Variants in TMEM53 observed in about 807,000 individuals in gnomAD.
The protein encoded by TMEM53 is novel DUF829 domain-containing protein.
A neutral mutation model predicts 21.4 loss-of-function variants in TMEM53; 14 were observed. That is an observed-to-expected ratio of 0.65 (90% CI 0.43 to 1.02). The LOEUF is 1.02. Among genes scored for constraint, TMEM53 ranks in the 50% least tolerant of loss-of-function variants. The pLI, the probability that TMEM53 is intolerant of heterozygous loss-of-function variation, is 0.00. For synonymous variants in TMEM53, 148 were observed against 157.4 expected (o/e 0.94, Z 0.45); for missense variants, 323 against 383.6 (o/e 0.84, Z 1.32).
intron 1 of TMEM53, 171 bp downstream of exon 1, chr1:44,674,160 A>G: frequency 1.0e-6 from 1 of 985,078 alleles, no homozygotes; most frequent in South Asian, 4.7e-5. Context: ...GGCGGGACTT[A>G]CGAGGGGCGG....
chr1:44,674,376 G>A lies in TMEM53; in HGVS notation c.16C>T (p.Leu6=). The A allele has an allele frequency of 6.2e-7, 1 of 1,612,236 alleles. No individual in the cohort carries two copies. The highest frequency in any genetic ancestry group is 1.1e-5 in the South Asian group (1 of 91,002). Residue 6 remains leucine, a synonymous_variant, in exon 1 of 3, where the codon CTG becomes TTG. Transcript: ENST00000372237. The part of the protein sequence containing the change: MASAE[L]DYTIEIPDQP... Reference sequence around the variant, plus strand: ...TCCGGGATCTCGATGGTGTAGTCCAGCTCTGCCGAGGCCATGGTGAAGGCG... The same window carrying A: ...TCCGGGATCTCGATGGTGTAGTCCAACTCTGCCGAGGCCATGGTGAAGGCG...
chr1:44,672,557 C>T (rs1645011089), intron 1 of TMEM53, among the ~76,000 whole-genome samples: 1 of 152,200 alleles, frequency 6.6e-6, no homozygotes, highest in Admixed American at 6.5e-5. Context: ...ACAATCCCAG[C>T]TGCCTCCAAC....
intron 2 of TMEM53, among the ~76,000 whole-genome samples, chr1:44,659,191 C>T (rs1008188795): frequency 2.6e-5 from 4 of 152,236 alleles, no homozygotes; most frequent in African/African-American, 4.8e-5. Flanking sequence ...GGCCACCACA[C>T]ACCTCAGTCA....
At chr1:44,656,720 GA>G (rs148588646) in intron 2 of TMEM53, among the ~76,000 whole-genome samples, 35,584 of 149,402 alleles carry the variant, frequency 0.24, 5,301 homozygotes, top group Middle Eastern at 0.36. Context: ...CTCTAAAAAA[GA>G]AAAAAAAAAT....
chr1:44,659,735 C>CAGG (rs1553133579), intron 2 of TMEM53, among the ~76,000 whole-genome samples: 1 of 151,908 alleles, frequency 6.6e-6, no homozygotes, highest in Non-Finnish European at 1.5e-5. Context: ...TTGTGGAATG[C>CAGG]AGGGAGGAAG....
chr1:44,664,437 A>T (rs1413604996), intron 1 of TMEM53, among the ~76,000 whole-genome samples: 15 of 147,794 alleles, frequency 1.0e-4, no homozygotes, highest in Non-Finnish European at 1.2e-4. Context: ...GGGCAACAAG[A>T]GCGAAACTCC....
rs771926566 is a variant in TMEM53 at position 44,654,813 on chromosome 1, G to A, written c.580C>T (p.Leu194Phe). The A allele has an allele frequency of 6.2e-7, 1 of 1,613,710 alleles. No individual in the cohort carries two copies. The highest frequency in any genetic ancestry group is 8.5e-7 in the Non-Finnish European group (1 of 1,180,048). Residue 194 changes from leucine to phenylalanine, a missense_variant, in exon 3 of 3, where the codon CTC (leucine) becomes TTC (phenylalanine). Leu to Phe is a conservative substitution (Grantham distance 22). This residue lies in a region of TMEM53 where 269 missense variants were observed against 334.5 expected (regional missense o/e 0.80). Coordinates refer to ENST00000372237, the MANE Select transcript of TMEM53 (RefSeq NM_024587.4). The surrounding 1 kb of genome is among the most constrained non-coding windows in gnomAD (Gnocchi z 7.0). ...FHVLLAPITA[L>F]FHTHFYDRLQ... ...CTGTCATAGAAGTGGGTGTGGAAGA[G>A]GGCTGTGATGGGAGCAAGCAGGACG...
rs1264395593 is a variant in TMEM53, at chr1:44,655,806, A to C, written c.184-597T>G. Among the ~76,000 whole-genome samples, 1 of 152,092 alleles carries C rather than the reference A, an allele frequency of 6.6e-6. No individual in the cohort carries two copies. Among genetic ancestry groups the C allele is most frequent in the Non-Finnish European group, 1.5e-5 (1 of 68,016 alleles). The stretch of plus-strand genomic sequence containing the variant: ...ACCTTCCCTCTCTCCCAGGCTCCTA[A>C]AAACAGAGTCCATACTCTCTGGACT... On this transcript the variant is annotated intron_variant, in intron 2 of 2. Coordinates refer to ENST00000372237, the MANE Select transcript of TMEM53 (RefSeq NM_024587.4). The surrounding 1 kb of genome is among the most constrained non-coding windows in gnomAD (Gnocchi z 4.4).
intron 1 of TMEM53, chr1:44,673,765 A>G: frequency 1.2e-6 from 1 of 868,700 alleles, no homozygotes; most frequent in Non-Finnish European, 1.4e-6. Flanking sequence ...AAGGTAGCTT[A>G]CCAAAGGTAA....
intron 2 of TMEM53, 131 bp downstream of exon 2, chr1:44,660,043 A>G: frequency 8.6e-7 from 1 of 1,161,210 alleles, no homozygotes; most frequent in Non-Finnish European, 1.2e-6. Context: ...TTTTTAGTAG[A>G]GACAGGGTTT....
chr1:44,661,429 A>T (rs1486444609), intron 1 of TMEM53, among the ~76,000 whole-genome samples: 1 of 150,982 alleles, frequency 6.6e-6, no homozygotes, highest in African/African-American at 2.4e-5. Flanking sequence ...AGAGTAAAAA[A>T]GGGGGTTTGC....
At chr1:44,667,798 G>A (rs1363227715) in intron 1 of TMEM53, among the ~76,000 whole-genome samples, 2 of 152,056 alleles carry the variant, frequency 1.3e-5, no homozygotes, top group African/African-American at 4.8e-5. Context: ...AAAAGCAGTT[G>A]AGAAGTCAAA....
intron 1 of TMEM53, among the ~76,000 whole-genome samples, chr1:44,661,057 T>C (rs115214106): frequency 0.016 from 2,416 of 152,300 alleles, 83 homozygotes; most frequent in Admixed American, 0.066. Context: ...AAATAAACTT[T>C]TATTGGAACA....
At position 44,655,072 on chromosome 1, in the gene TMEM53, C is replaced by T; in HGVS notation, c.321G>A (p.Leu107=). ...CACCGTTGCTGAAGACATGGAAGAG[C>T]AGGGGCTCCTTCTCAATCTCATAAT... ...LFDYEIEKEP[L]LFHVFSNGGV... The change falls in exon 3 of 3, where the codon CTG becomes CTA. Residue 107 remains leucine, a synonymous_variant. Coordinates refer to ENST00000372237, the MANE Select transcript of TMEM53 (RefSeq NM_024587.4). This position sits in a 1 kb window ranked among gnomAD's most constrained non-coding sequence, Gnocchi z 4.4. 1.2e-6 allele frequency: 2 copies of T among 1,614,242 alleles called. No homozygotes were observed. The highest frequency in any genetic ancestry group is 1.7e-6 in the Non-Finnish European group (2 of 1,180,042).
intron 1 of TMEM53, chr1:44,674,116 C>G (rs1272042882): frequency 1.0e-6 from 1 of 985,316 alleles, no homozygotes; most frequent in Non-Finnish European, 1.2e-6. Flanking sequence ...CTGACTCGGG[C>G]AGAGGCGGGG....
At chr1:44,661,079 T>G (rs190313123) in intron 1 of TMEM53, among the ~76,000 whole-genome samples, 4 of 152,316 alleles carry the variant, frequency 2.6e-5, no homozygotes, top group Middle Eastern at 6.8e-3. Flanking sequence ...GCCACACTTA[T>G]CATTTACTTA....
chr1:44,671,243 A>C (rs1468312180), intron 1 of TMEM53, among the ~76,000 whole-genome samples: 4 of 152,246 alleles, frequency 2.6e-5, no homozygotes, highest in Non-Finnish European at 1.5e-5. Context: ...GGCTTTAGCA[A>C]AGGCCTGGGC....
chr1:44,655,117 C>T lies in TMEM53; in HGVS notation c.276G>A (p.Lys92=). The T allele has an allele frequency of 6.2e-7, 1 of 1,614,204 alleles. No individual in the cohort carries two copies. The highest frequency in any genetic ancestry group is 8.5e-7 in the Non-Finnish European group (1 of 1,180,030). The change falls in exon 3 of 3, where the codon AAG becomes AAA. Residue 92 remains lysine (K), a synonymous_variant. Coordinates refer to ENST00000372237, the MANE Select transcript of TMEM53 (RefSeq NM_024587.4). The surrounding 1 kb of genome is among the most constrained non-coding windows in gnomAD (Gnocchi z 4.4). ...GIPSLRVLAQ[K]LLELLFDYEI... Reference sequence around the variant, plus strand: ...CATAATCAAAGAGCAGCTCGAGCAGCTTCTGGGCCAAAACACGAAGTGAAG... The same window carrying T: ...CATAATCAAAGAGCAGCTCGAGCAGTTTCTGGGCCAAAACACGAAGTGAAG...
intron 1 of TMEM53, among the ~76,000 whole-genome samples, chr1:44,670,985 GGCT>G (rs1644995251): frequency 1.3e-5 from 2 of 152,198 alleles, no homozygotes; most frequent in African/African-American, 4.8e-5. Flanking sequence ...GAGCAGCTCT[GGCT>G]TGGGCCTACA....
Sources: allele counts gnomAD v4.1 joint callset (sites outside exome capture counted in the v4.1 genomes callset), GRCh38; gene constraint gnomAD v4.1.1; regional missense constraint gnomAD v4.1.1; non-coding constraint Gnocchi (gnomAD v3.1); transcripts MANE v1.5; gene names NCBI Gene and HGNC (gene_info 2026-07-23, HGNC 2026-07-21).